SPATA13: variants seen among roughly 807,000 people sequenced by gnomAD.
The protein encoded by SPATA13 is spermatogenesis associated 13.
In SPATA13, 50 loss-of-function variants were observed where a neutral mutation model predicts 104.0. The ratio of observed to expected loss-of-function variants is 0.48; its 90% CI spans 0.38 to 0.61. The LOEUF is 0.61. Ranked by LOEUF, SPATA13 falls within the 20% of genes least tolerant of loss-of-function variation. The probability of loss-of-function intolerance (pLI) is 0.00; values close to 1 mark genes in which losing one functional copy is unlikely to be tolerated. For missense variants in SPATA13, 1,524 were observed against 1,690.6 expected (o/e 0.90, Z 1.73); for synonymous variants, 606 against 667.5 (o/e 0.91, Z 1.42).
chr13:24,195,101 C>A (rs1044991676), intron 1 of SPATA13, among the ~76,000 whole-genome samples: 1 of 152,168 alleles, frequency 6.6e-6, no homozygotes, highest in African/African-American at 2.4e-5. Context: ...TGTTAGCAGT[C>A]ATTCCCCATT....
chr13:24,008,140 T>C (rs949578109), intron 2 of SPATA13, among the ~76,000 whole-genome samples: 11 of 152,204 alleles, frequency 7.2e-5, no homozygotes, highest in Admixed American at 7.2e-4. Context: ...AGGGAGAGCT[T>C]GTGACCACAG....
At chr13:24,200,633 A>G (rs1016273603) in intron 1 of SPATA13, among the ~76,000 whole-genome samples, 2 of 151,570 alleles carry the variant, frequency 1.3e-5, no homozygotes, top group Admixed American at 1.3e-4. Context: ...GTAGCTGTTT[A>G]GTAGAATAGC....
Position 24,297,632 on chromosome 13 carries a change from A to C in SPATA13, c.3480A>C (p.Thr1160=), listed in dbSNP as rs761867898. The C allele has an allele frequency of 1.9e-6, 3 of 1,614,246 alleles. No homozygotes were observed. In the East Asian group the frequency reaches 6.7e-5, roughly 36 times the overall value. ...KNAFKLVSRT[T]DEVYLFCAKK... ...CCTTCAAGCTCGTCAGTAGGACCAC[A>C]GACGAGGTTTATTTGTTTTGTGCCA... The change falls in exon 11 of 13, where the codon ACA becomes ACC. Residue 1160 remains threonine, a synonymous_variant. Transcript: ENST00000382108.
At chr13:24,076,618 C>T (rs565528185) in intron 3 of SPATA13, among the ~76,000 whole-genome samples, 5 of 151,860 alleles carry the variant, frequency 3.3e-5, no homozygotes, top group Non-Finnish European at 5.9e-5. Flanking sequence ...TCTGGTGACC[C>T]GGGGTCTGGG....
chr13:24,161,082 T>TAGCCTCCACCGGCGG lies in SPATA13; in HGVS notation c.-112+150_-112+151insAGCCTCCACCGGCGG. ...GCTTGGCCTCTGCTTCCCCCGCCGG[T>TAGCCTCCACCGGCGG]GGAGGCTACCGGGTGCTCACCTGTT... On this transcript the variant is annotated intron_variant, in intron 1 of 12. Coordinates refer to ENST00000382108, the MANE Select transcript of SPATA13 (RefSeq NM_001166271.3). This position sits in a 1 kb window ranked among gnomAD's most constrained non-coding sequence, Gnocchi z 4.5. The TAGCCTCCACCGGCGG allele has an allele frequency of 2.4e-6, 1 of 421,970 alleles. No homozygotes were observed. Among genetic ancestry groups the TAGCCTCCACCGGCGG allele is most frequent in the Non-Finnish European group, 3.2e-6 (1 of 314,512 alleles). The allele number at this position is 421,970 out of a possible 1,614,324, so 26.1% of individuals were successfully genotyped here.
chr13:24,122,186 G>T, intron 3 of SPATA13: 1 of 1,533,596 alleles, frequency 6.5e-7, no homozygotes, highest in Non-Finnish European at 9.0e-7. Context: ...TCTTTGATCA[G>T]CCAGCATTGC....
At chr13:24,083,349 C>G (rs1879607322) in intron 3 of SPATA13, among the ~76,000 whole-genome samples, 1 of 152,218 alleles carries the variant, frequency 6.6e-6, no homozygotes, top group African/African-American at 2.4e-5. Flanking sequence ...GAGTCCATTT[C>G]AACTCTACCC....
intron 2 of SPATA13, among the ~76,000 whole-genome samples, chr13:24,247,767 G>A (rs1432949153): frequency 6.6e-6 from 1 of 152,122 alleles, no homozygotes; most frequent in Non-Finnish European, 1.5e-5. Context: ...ACGGACGTGA[G>A]CCACCCGCCC....
At chr13:24,096,216 C>T (rs1486003026) in intron 3 of SPATA13, among the ~76,000 whole-genome samples, 1 of 152,108 alleles carries the variant, frequency 6.6e-6, no homozygotes, top group East Asian at 1.9e-4. Context: ...TCACGTGGAG[C>T]TTATAGTCTC....
At chr13:24,239,007 G>A (rs1426156576) in intron 2 of SPATA13, among the ~76,000 whole-genome samples, 1 of 152,174 alleles carries the variant, frequency 6.6e-6, no homozygotes, top group African/African-American at 2.4e-5. Context: ...CATCAGAGGT[G>A]GATGTTTACC....
chr13:24,080,985 G>A (rs1879496106), intron 3 of SPATA13, among the ~76,000 whole-genome samples: 1 of 152,102 alleles, frequency 6.6e-6, no homozygotes, highest in Non-Finnish European at 1.5e-5. Context: ...CATTCCGAGG[G>A]TTCTGTCATC....
intron 3 of SPATA13, among the ~76,000 whole-genome samples, chr13:24,076,589 C>G (rs563261298): frequency 9.9e-5 from 15 of 151,510 alleles, no homozygotes; most frequent in Non-Finnish European, 1.9e-4. Flanking sequence ...GGAAACCAGG[C>G]CACTGAGGGT....
At chr13:24,184,247 A>G (rs1453671970) in intron 1 of SPATA13, among the ~76,000 whole-genome samples, 1 of 152,220 alleles carries the variant, frequency 6.6e-6, no homozygotes, top group African/African-American at 2.4e-5. Flanking sequence ...GAAATTCCAT[A>G]CAGAAAATTC....
chr13:24,053,296 A>G (rs1878427494), intron 3 of SPATA13, among the ~76,000 whole-genome samples: 1 of 152,192 alleles, frequency 6.6e-6, no homozygotes, highest in South Asian at 2.1e-4. Context: ...AATGTGTAAT[A>G]GAATTCGGAA....
At chr13:23,988,920 G>A (rs951129585) in intron 2 of SPATA13, among the ~76,000 whole-genome samples, 1 of 152,016 alleles carries the variant, frequency 6.6e-6, no homozygotes, top group African/African-American at 2.4e-5. Context: ...AGTCTTTGGG[G>A]GCTCTCCTAT....
At chr13:24,148,303 C>G (rs919953824) in intron 3 of SPATA13, among the ~76,000 whole-genome samples, 6 of 152,122 alleles carry the variant, frequency 3.9e-5, no homozygotes, top group African/African-American at 1.4e-4. Context: ...CTCAGTCCTA[C>G]TTTCATGAGC....
chr13:24,157,353 C>G (rs1252330966), upstream of SPATA13, among the ~76,000 whole-genome samples: 4 of 152,086 alleles, frequency 2.6e-5, no homozygotes, highest in Non-Finnish European at 4.4e-5. Context: ...GGCTGGAGTG[C>G]AGGGGCGCGA....
intron 3 of SPATA13, among the ~76,000 whole-genome samples, chr13:24,098,367 G>A (rs905837315): frequency 2.0e-5 from 3 of 151,890 alleles, no homozygotes; most frequent in Non-Finnish European, 4.4e-5. Flanking sequence ...AAGTCAGCCC[G>A]GGCAAGACCC....
rs1203699979 is a variant in SPATA13, at chr13:24,088,281, G to T, written c.-112+70580G>T. ...TGCATTCTACAGATGAGCACACCGA[G>T]GCTCAGAGCGGTAAGGAATTGGCCC... On this transcript the variant is annotated intron_variant, in intron 3 of 14. Coordinates refer to the SPATA13 transcript ENST00000424834. This position sits in a 1 kb window ranked among gnomAD's most constrained non-coding sequence, Gnocchi z 4.3. 6.6e-6 allele frequency among the ~76,000 whole-genome samples: 1 copy of T among 152,136 alleles called. No homozygotes were observed. Among genetic ancestry groups the T allele is most frequent in the Non-Finnish European group, 1.5e-5 (1 of 68,018 alleles).
Sources: allele counts gnomAD v4.1 joint callset (sites outside exome capture counted in the v4.1 genomes callset), GRCh38; gene constraint gnomAD v4.1.1; non-coding constraint Gnocchi (gnomAD v3.1); transcripts MANE v1.5; gene names NCBI Gene and HGNC (gene_info 2026-07-23, HGNC 2026-07-21).